Variants in CPQ observed in about 807,000 individuals in gnomAD.
CPQ encodes carboxypeptidase Q.
A neutral mutation model predicts 45.7 loss-of-function variants in CPQ; 37 were observed. That is an observed-to-expected ratio of 0.81 (90% confidence interval 0.62 to 1.07). CPQ has a LOEUF of 1.07. CPQ is among the 50% of genes least tolerant of loss of function. The probability of loss-of-function intolerance (pLI) is 0.00; values close to 1 mark genes in which losing one functional copy is unlikely to be tolerated. For synonymous variants in CPQ, 186 were observed against 205.8 expected (o/e 0.90, Z 0.82); for missense variants, 537 against 572.9 (o/e 0.94, Z 0.64).
chr8:96,896,328 G>A (rs1812442199), intron 4 of CPQ, among the ~76,000 whole-genome samples: 2 of 152,060 alleles, frequency 1.3e-5, no homozygotes, highest in African/African-American at 4.8e-5. Context: ...ATAGCCAGTA[G>A]TCCTTGAATC....
intron 3 of CPQ, among the ~76,000 whole-genome samples, chr8:96,866,960 G>A (rs887479101): frequency 6.6e-6 from 1 of 151,980 alleles, no homozygotes; most frequent in Admixed American, 6.6e-5. Context: ...AAATACATTT[G>A]CCTACTTCAA....
At chr8:96,944,516 A>G (rs1586461320) in intron 4 of CPQ, among the ~76,000 whole-genome samples, 1 of 138,698 alleles carries the variant, frequency 7.2e-6, no homozygotes, top group Non-Finnish European at 1.6e-5. Context: ...AAACAATAAT[A>G]AAAAAAGGAC....
In CPQ at chr8:97,049,640, G is replaced by A. The variant is rs138079039; in HGVS notation, c.1054-16369G>A. Among the ~76,000 whole-genome samples the A allele has an allele frequency of 3.0e-3, 461 of 152,282 alleles. 1 individual carries two copies. The highest frequency in any genetic ancestry group is 9.3e-3 in the African/African-American group (386 of 41,564). On this transcript the variant is annotated intron_variant, in intron 6 of 7. Coordinates refer to ENST00000220763, the MANE Select transcript of CPQ (RefSeq NM_016134.4). ...TCTCCATTTCTTTGATTTAAGGATC[G>A]TCAATTGTTAGTGGTGCGATTAAAA...
At chr8:96,878,735 G>A (rs1256080634) in intron 3 of CPQ, among the ~76,000 whole-genome samples, 1 of 152,216 alleles carries the variant, frequency 6.6e-6, no homozygotes, top group Non-Finnish European at 1.5e-5. Context: ...TTCTATAGGA[G>A]ATAAGCACCA....
At chr8:97,124,798 A>G (rs1392260248) in intron 7 of CPQ, among the ~76,000 whole-genome samples, 1 of 152,202 alleles carries the variant, frequency 6.6e-6, no homozygotes, top group Non-Finnish European at 1.5e-5. Flanking sequence ...GGAAATGTGT[A>G]GGTTAAATGC....
intron 7 of CPQ, among the ~76,000 whole-genome samples, chr8:97,081,604 T>C (rs1810951161): frequency 6.6e-6 from 1 of 152,292 alleles, no homozygotes; most frequent in South Asian, 2.1e-4. Context: ...TTCATCTCCC[T>C]GGCCTTCCAA....
At chr8:96,830,616 C>T (rs745994602) in intron 2 of CPQ, among the ~76,000 whole-genome samples, 3 of 152,066 alleles carry the variant, frequency 2.0e-5, no homozygotes, top group Non-Finnish European at 4.4e-5. Context: ...GCTTCAGTCC[C>T]ACATTCTCTT....
At chr8:96,661,784 A>G (rs1274819250) in intron 1 of CPQ, among the ~76,000 whole-genome samples, 7 of 152,154 alleles carry the variant, frequency 4.6e-5, no homozygotes, top group African/African-American at 7.2e-5. Context: ...CATGTTTTCA[A>G]TCCTTTTGGG....
chr8:97,052,556 G>A lies in CPQ; in HGVS notation c.1054-13453G>A, dbSNP rs117311830. 9.5e-3 allele frequency among the ~76,000 whole-genome samples: 1,443 copies of A among 152,158 alleles called. 7 individuals carry two copies. The highest frequency in any genetic ancestry group is 0.015 in the Non-Finnish European group (992 of 67,996). ...ATATTTAATATTTTTTAAATTCTAT[G>A]TTGTCAGTTCAGTTACTGTTGCTCA... On this transcript the variant is annotated intron_variant, in intron 6 of 7. Coordinates refer to ENST00000220763, the MANE Select transcript of CPQ (RefSeq NM_016134.4).
At chr8:96,974,236 AAAC>A (rs972646008) in intron 5 of CPQ, among the ~76,000 whole-genome samples, 1 of 152,176 alleles carries the variant, frequency 6.6e-6, no homozygotes, top group African/African-American at 2.4e-5. Flanking sequence ...ATACCAGAAA[AAAC>A]AAACTTTAAA....
chr8:96,764,817 T>C (rs1810446784), intron 1 of CPQ, among the ~76,000 whole-genome samples: 2 of 152,186 alleles, frequency 1.3e-5, no homozygotes, highest in South Asian at 4.1e-4. Context: ...AAATGCAGCA[T>C]GAAACCACCC....
At chr8:96,899,282 A>C (rs1005158910) in intron 4 of CPQ, among the ~76,000 whole-genome samples, 2 of 152,184 alleles carry the variant, frequency 1.3e-5, no homozygotes, top group Non-Finnish European at 2.9e-5. Flanking sequence ...ATACATTGTT[A>C]AAATGTGACT....
At chr8:96,864,914 G>A (rs1466351212) in intron 3 of CPQ, among the ~76,000 whole-genome samples, 1 of 151,926 alleles carries the variant, frequency 6.6e-6, no homozygotes, top group Non-Finnish European at 1.5e-5. Flanking sequence ...TTCATTCCTA[G>A]CTGTGTGATA....
At chr8:97,029,354 A>G in intron 5 of CPQ, 49 bp from the exon 6 acceptor site, 2 of 1,528,888 alleles carry the variant, frequency 1.3e-6, no homozygotes, top group Non-Finnish European at 1.8e-6. Flanking sequence ...TTTTTTATAA[A>G]ATTCAAAATC....
chr8:96,833,316 C>A lies in CPQ; in HGVS notation c.434-1657C>A, dbSNP rs1008785941. Among the ~76,000 whole-genome samples the A allele has an allele frequency of 3.0e-4, 45 of 151,670 alleles. 3 individuals carry two copies. The highest frequency in any genetic ancestry group is 1.5e-4 in the Non-Finnish European group (10 of 67,912). ...TTGTTAAAAACAAAACAAAACAAAA[C>A]AAAAAAAAACTTGAATGGAAGCATA... On this transcript the variant is annotated intron_variant, in intron 2 of 7. Transcript: ENST00000220763.
intron 1 of CPQ, among the ~76,000 whole-genome samples, chr8:96,714,950 G>A (rs995175667): frequency 5.0e-4 from 76 of 152,178 alleles, no homozygotes; most frequent in African/African-American, 1.6e-3. Flanking sequence ...GGCTTTCTCA[G>A]ATGTTGATTG....
chr8:96,858,258 C>A (rs772974361), intron 3 of CPQ, among the ~76,000 whole-genome samples: 2 of 152,198 alleles, frequency 1.3e-5, no homozygotes, highest in African/African-American at 2.4e-5. Context: ...CTTCTGCACA[C>A]TGTCCCCCAG....
intron 1 of CPQ, among the ~76,000 whole-genome samples, chr8:96,737,525 G>T (rs1187245574): frequency 6.6e-6 from 1 of 151,850 alleles, no homozygotes; most frequent in Non-Finnish European, 1.5e-5. Flanking sequence ...AAAGATGTAG[G>T]CTGGGAGACT....
chr8:97,115,853 A>C (rs1439339463), intron 7 of CPQ, among the ~76,000 whole-genome samples: 1 of 152,228 alleles, frequency 6.6e-6, no homozygotes, highest in Admixed American at 6.5e-5. Flanking sequence ...CTACTTTAAA[A>C]ATCAGGTGTA....
Sources: allele counts gnomAD v4.1 joint callset (sites outside exome capture counted in the v4.1 genomes callset), GRCh38; gene constraint gnomAD v4.1.1; transcripts MANE v1.5; gene names NCBI Gene and HGNC (gene_info 2026-07-23, HGNC 2026-07-21).